Variants in MAOB observed in about 807,000 individuals in gnomAD.
MAOB encodes the protein monoamine oxidase B, also known as amine oxidase [flavin-containing] B.
Under a neutral mutation model 41.9 loss-of-function variants are expected in MAOB, and 15 were observed. The ratio of observed to expected loss-of-function variants is 0.36; its 90% CI spans 0.24 to 0.55. The LOEUF (loss-of-function observed/expected upper bound fraction) is 0.55. Among genes scored for constraint, MAOB ranks in the 20% least tolerant of loss-of-function variants. The probability of loss-of-function intolerance (pLI) is 0.86; values close to 1 mark genes in which losing one functional copy is unlikely to be tolerated. For synonymous variants in MAOB, 167 were observed against 144.2 expected, an observed-to-expected ratio of 1.16 and a Z score of -1.13; for missense variants, 345 against 398.7, an observed-to-expected ratio of 0.87 and a Z score of 1.15.
At chrX:43,881,676 C>T (rs1280585934) in intron 1 of MAOB, among the ~76,000 whole-genome samples, 4 of 111,475 alleles carry the variant, frequency 3.6e-5, no homozygotes, top group Non-Finnish European at 5.7e-5. Flanking sequence ...AGTGGGGGTG[C>T]GAGAGGCATA....
rs56929084 is a variant in MAOB, at chrX:43,775,055, G to T, written c.1235+120C>A. On this transcript the variant is annotated intron_variant, in intron 12 of 14. Transcript: ENST00000378069. ...CATAAGATACAAAGGAAATTGGGTT[G>T]TTTTTTTTTTTTTTTTTTGTATTTA... The T allele has an allele frequency of 4.6e-3, 2,847 of 616,441 alleles. 74 individuals carry two copies. The African/African-American group carries it at 0.062, about 13-fold the overall frequency. 50.8% of individuals were successfully genotyped at this position (616,441 alleles called of 1,213,427 possible).
At chrX:43,813,240 C>T (rs1212768247) in intron 3 of MAOB, among the ~76,000 whole-genome samples, 1 of 111,883 alleles carries the variant, frequency 8.9e-6, no homozygotes, top group African/African-American at 3.3e-5. Context: ...AGACACTGGG[C>T]TAATAGGTTT....
intron 3 of MAOB, among the ~76,000 whole-genome samples, chrX:43,819,796 TCTTATCAGAAC>T (rs2034860574): frequency 8.9e-6 from 1 of 111,807 alleles, no homozygotes; most frequent in Admixed American, 9.5e-5. Flanking sequence ...TTTCTATTAT[TCTTATCAGAAC>T]CTTGCTAAAG....
intron 3 of MAOB, among the ~76,000 whole-genome samples, chrX:43,803,786 T>C (rs1014002377): frequency 9.0e-6 from 1 of 111,444 alleles, no homozygotes; most frequent in Non-Finnish European, 1.9e-5. Context: ...CAGAAAATTA[T>C]AACTATAAGC....
intron 1 of MAOB, among the ~76,000 whole-genome samples, chrX:43,879,656 T>A (rs1358373833): frequency 9.0e-6 from 1 of 111,581 alleles, no homozygotes; most frequent in African/African-American, 3.3e-5. Context: ...TTTGCTAATA[T>A]CACCATCAGA....
chrX:43,781,637 G>A (rs1475126781), intron 8 of MAOB, 93 bp from the exon 9 acceptor site: 1 of 443,612 alleles, frequency 2.3e-6, no homozygotes, highest in Non-Finnish European at 3.7e-6. Context: ...AACTTGAGAA[G>A]CCCAAAGGCC....
intron 1 of MAOB, among the ~76,000 whole-genome samples, chrX:43,858,391 A>G (rs1028541171): frequency 9.1e-6 from 1 of 110,372 alleles, no homozygotes; most frequent in African/African-American, 3.3e-5. Context: ...CCCTCTGCCA[A>G]CCTCTCTAGC....
chrX:43,831,880 T>A (rs1013712175), intron 3 of MAOB, among the ~76,000 whole-genome samples: 1 of 111,984 alleles, frequency 8.9e-6, no homozygotes, highest in Admixed American at 9.5e-5. Flanking sequence ...CTCTCTTATG[T>A]GTCTTCCTTT....
intron 3 of MAOB, among the ~76,000 whole-genome samples, chrX:43,818,689 A>G (rs1462098897): frequency 8.9e-6 from 1 of 112,880 alleles, no homozygotes; most frequent in Admixed American, 9.4e-5. Flanking sequence ...AGGCTCGGAC[A>G]GACCCAGGAG....
chrX:43,803,598 T>C (rs956571575), intron 3 of MAOB, among the ~76,000 whole-genome samples, 194 bp from the exon 4 acceptor site: 42 of 112,133 alleles, frequency 3.7e-4, no homozygotes, highest in African/African-American at 1.2e-3. Context: ...CAAAATTCTC[T>C]GTTAATTAAG....
chrX:43,851,460 G>C (rs1452609046), intron 1 of MAOB, among the ~76,000 whole-genome samples: 1 of 111,467 alleles, frequency 9.0e-6, no homozygotes, highest in Non-Finnish European at 1.9e-5. Flanking sequence ...ATTTCCTTAA[G>C]CAATTGTACT....
At chrX:43,846,925 CA>C (rs944487509) in intron 1 of MAOB, among the ~76,000 whole-genome samples, 67 of 108,844 alleles carry the variant, frequency 6.2e-4, no homozygotes, top group African/African-American at 2.0e-3. Flanking sequence ...AATACTATTG[CA>C]AAAAAAAATC....
chrX:43,871,801 C>T (rs768672705), intron 1 of MAOB, among the ~76,000 whole-genome samples: 6 of 110,341 alleles, frequency 5.4e-5, no homozygotes, highest in African/African-American at 1.3e-4. Flanking sequence ...TATTTATCAT[C>T]GGTGCTTAAC....
intron 1 of MAOB, among the ~76,000 whole-genome samples, chrX:43,863,604 T>C (rs2035347378): frequency 8.9e-6 from 1 of 111,781 alleles, no homozygotes; most frequent in Non-Finnish European, 1.9e-5. Context: ...AAAACCCCTA[T>C]TTAGTCATGA....
At chrX:43,850,863 C>T (rs999200210) in intron 1 of MAOB, among the ~76,000 whole-genome samples, 2 of 111,908 alleles carry the variant, frequency 1.8e-5, no homozygotes, top group Non-Finnish European at 3.8e-5. Flanking sequence ...CAGATGCAGC[C>T]GCTTTGAGAT....
chrX:43,819,511 C>T (rs1436890324), intron 3 of MAOB, among the ~76,000 whole-genome samples: 1 of 111,555 alleles, frequency 9.0e-6, no homozygotes, highest in Non-Finnish European at 1.9e-5. Context: ...TCTTGCCTTC[C>T]AACAATCAAT....
intron 1 of MAOB, among the ~76,000 whole-genome samples, chrX:43,859,874 C>T (rs1015363564): frequency 1.1e-4 from 12 of 111,954 alleles, no homozygotes; most frequent in African/African-American, 3.6e-4. Context: ...AATCTATACA[C>T]ATTGCATCTA....
chrX:43,863,245 T>C (rs192128846), intron 1 of MAOB, among the ~76,000 whole-genome samples: 1 of 112,317 alleles, frequency 8.9e-6, no homozygotes, highest in African/African-American at 3.2e-5. Flanking sequence ...TCATTTATAA[T>C]AACAACACAC....
chrX:43,802,711 T>A (rs2147138838), intron 4 of MAOB, among the ~76,000 whole-genome samples: 1 of 107,249 alleles, frequency 9.3e-6, no homozygotes, highest in South Asian at 4.1e-4. Context: ...TTCTCACTCA[T>A]AAGTGGGAGT....
Sources: allele counts gnomAD v4.1 joint callset (sites outside exome capture counted in the v4.1 genomes callset), GRCh38; gene constraint gnomAD v4.1.1; transcripts MANE v1.5; gene names NCBI Gene and HGNC (gene_info 2026-07-23, HGNC 2026-07-21).